Variants in MOV10 observed in about 807,000 individuals in gnomAD.
The protein encoded by MOV10 is RNA helicase MOV-10.
Under a neutral mutation model 108.4 loss-of-function variants are expected in MOV10, and 39 were observed. The ratio of observed to expected loss-of-function variants is 0.36; its 90% CI spans 0.28 to 0.47. The LOEUF (loss-of-function observed/expected upper bound fraction) is 0.47, where lower values mean the gene tolerates loss of function less well. Ranked by LOEUF, MOV10 falls within the 20% of genes least tolerant of loss-of-function variation. The pLI is 1.00. For missense variants in MOV10, 952 were observed against 1,297.6 expected (o/e 0.73, Z 4.09); for synonymous variants, 490 against 523.1 (o/e 0.94, Z 0.86).
At chr1:112,697,898 G>C in intron 14 of MOV10, 96 bp from the exon 15 acceptor site, 2 of 969,264 alleles carry the variant, frequency 2.1e-6, no homozygotes, top group East Asian at 2.4e-5. Flanking sequence ...GGGGTAGCAG[G>C]CTATTGTGTG....
intron 2 of MOV10, chr1:112,687,187 A>G: frequency 2.9e-6 from 1 of 343,098 alleles, no homozygotes; most frequent in Non-Finnish European, 5.8e-6. Flanking sequence ...AATAGTAGCT[A>G]ACATTTACTG....
Position 112,691,364 on chromosome 1 carries a change from T to A in MOV10, c.837-301T>A, listed in dbSNP as rs371226143. ...TTGACTATATATGTATAACAGAAAC[T>A]TACAGGGAAAAAAGTCTGGTAGTTA... On this transcript the variant is annotated intron_variant, in intron 5 of 20. Transcript: ENST00000369645. 2.8e-4 allele frequency among the ~76,000 whole-genome samples: 43 copies of A among 152,304 alleles called. No homozygotes were observed. In the South Asian group the frequency reaches 3.7e-3, roughly 13 times the overall value.
At position 112,688,989 on chromosome 1, in the gene MOV10, A is replaced by C; in HGVS notation, c.192A>C (p.Ala64=). Residue 64 remains alanine (A), a synonymous_variant, in exon 3 of 21, where the codon GCA becomes GCC. Transcript: ENST00000369645. Reference sequence around the variant, plus strand: ...CCATGCTGTATGGAATGAAGATTGCAAATCTGGCCTACGTCACCAAGACTC... The same window carrying C: ...CCATGCTGTATGGAATGAAGATTGCCAATCTGGCCTACGTCACCAAGACTC... ...FSSMLYGMKI[A]NLAYVTKTRV... 1 of 1,612,574 alleles carries C rather than the reference A, an allele frequency of 6.2e-7. No homozygotes were observed. Among genetic ancestry groups the C allele is most frequent in the Non-Finnish European group, 8.5e-7 (1 of 1,180,036 alleles).
intron 2 of MOV10, among the ~76,000 whole-genome samples, chr1:112,682,500 A>G (rs1438122850): frequency 2.0e-5 from 3 of 152,240 alleles, no homozygotes; most frequent in Non-Finnish European, 4.4e-5. Flanking sequence ...AAAATTTGCA[A>G]ACAGCAAAAT....
In MOV10 at chr1:112,700,645, C is replaced by CT. The variant is rs1557776028; in HGVS notation, c.*139dup. On this transcript the variant is annotated 3_prime_UTR_variant, in exon 21 of 21. Coordinates refer to ENST00000369645, the MANE Select transcript of MOV10 (RefSeq NM_001321324.2). Reference sequence around the variant, plus strand: ...TTTACAACCCAAGCCATTCCACCCCCTCCCCTGCTGGGGAGAATGACACAT... The same window carrying CT: ...TTTACAACCCAAGCCATTCCACCCCCTTCCCCTGCTGGGGAGAATGACACAT... 1 of 1,541,512 alleles carries CT rather than the reference C, an allele frequency of 6.5e-7. No individual in the cohort carries two copies. The highest frequency in any genetic ancestry group is 1.4e-5 in the African/African-American group (1 of 72,694).
chr1:112,696,015 C>T, intron 11 of MOV10, 133 bp from the exon 12 acceptor site: 1 of 698,406 alleles, frequency 1.4e-6, no homozygotes, highest in South Asian at 1.8e-5. Context: ...GCACTCCAGC[C>T]TGGGGGACAG....
At chr1:112,689,243 C>T in intron 3 of MOV10, 105 bp downstream of exon 3, 3 of 1,320,944 alleles carry the variant, frequency 2.3e-6, no homozygotes, top group Non-Finnish European at 3.2e-6. Flanking sequence ...GGAATAAGTC[C>T]CCCTCCTTCA....
Position 112,700,595 on chromosome 1 carries a change from G to A in MOV10, c.*88G>A. ...GAACCCAGCTGAACTGCCCCTCCAA[G>A]GGACAGGAAGGCTGGGGGAGGGAGT... On this transcript the variant is annotated 3_prime_UTR_variant, in exon 21 of 21. Transcript: ENST00000369645. 3 of 1,566,670 alleles carry A rather than the reference G, an allele frequency of 1.9e-6. No homozygotes were observed. Among genetic ancestry groups the A allele is most frequent in the Non-Finnish European group, 2.6e-6 (3 of 1,156,146 alleles).
At chr1:112,685,558 G>A (rs1190507471) in intron 2 of MOV10, among the ~76,000 whole-genome samples, 3 of 151,760 alleles carry the variant, frequency 2.0e-5, no homozygotes, top group African/African-American at 7.3e-5. Flanking sequence ...AGGAGGCTGA[G>A]GCAGGAGACT....
Position 112,690,000 on chromosome 1 carries a change from G to T in MOV10, c.738G>T (p.Leu246=). The change falls in exon 5 of 21, where the codon CTG becomes CTT. Residue 246 remains leucine, a synonymous_variant. Transcript: ENST00000369645. ...TGGCTGCCGTCGCCCACAGCCCCCT[G>T]GCTGCACAGCTGAAGCCCATGACTC... is the stretch of plus-strand genomic sequence containing the variant. The part of the protein sequence containing the change: ...RFLAAVAHSP[L]AAQLKPMTPF... The T allele has an allele frequency of 6.2e-7, 1 of 1,614,146 alleles. No individual in the cohort carries two copies. The highest frequency in any genetic ancestry group is 8.5e-7 in the Non-Finnish European group (1 of 1,180,040).
At chr1:112,699,545 G>C (rs1158198829) in intron 17 of MOV10, 140 bp from the exon 18 acceptor site, 1 of 1,497,906 alleles carries the variant, frequency 6.7e-7, no homozygotes, top group Non-Finnish European at 8.9e-7. Flanking sequence ...TCCCTGGGCC[G>C]TGTCGCAGCA....
intron 2 of MOV10, among the ~76,000 whole-genome samples, chr1:112,684,262 A>ATTTTTTTT (rs71084487): frequency 2.1e-5 from 2 of 93,838 alleles, no homozygotes; most frequent in African/African-American, 4.3e-5. Context: ...AGTCCCTGGG[A>ATTTTTTTT]TTTTTTTTTT....
intron 14 of MOV10, among the ~76,000 whole-genome samples, chr1:112,697,678 G>A (rs528911369): frequency 4.6e-5 from 7 of 152,274 alleles, no homozygotes; most frequent in South Asian, 2.1e-4. Context: ...ATCAAATAAC[G>A]TGATAGTCAA....
At position 112,698,051 on chromosome 1, in the gene MOV10, G is replaced by A. The variant is rs771889102; in HGVS notation, c.2256G>A (p.Gln752=). Residue 752 remains glutamine, a synonymous_variant, in exon 15 of 21, where the codon CAG becomes CAA. Coordinates refer to ENST00000369645, the MANE Select transcript of MOV10 (RefSeq NM_001321324.2). The part of the protein sequence containing the change: ...PNQLYYEGEL[Q]ACADVVDRER... ...AGCTCTATTATGAAGGGGAGCTGCA[G>A]GCCTGTGCTGATGTCGTGGATCGAG... 3 of 1,614,120 alleles carry A rather than the reference G, an allele frequency of 1.9e-6. No homozygotes were observed. Among genetic ancestry groups the A allele is most frequent in the Non-Finnish European group, 2.5e-6 (3 of 1,180,044 alleles).
chr1:112,680,449 G>A (rs1160419207), intron 2 of MOV10, among the ~76,000 whole-genome samples: 1 of 151,842 alleles, frequency 6.6e-6, no homozygotes, highest in South Asian at 2.1e-4. Flanking sequence ...GAGGTCAGGA[G>A]ATCGAGACCA....
rs774388697 is a variant in MOV10 at position 112,699,959 on chromosome 1, G to A, written c.2775G>A (p.Leu925=). The A allele has an allele frequency of 2.5e-6, 4 of 1,614,062 alleles. No individual in the cohort carries two copies. The African/African-American group carries it at 4.0e-5, about 16-fold the overall frequency. The change falls in exon 19 of 21, where the codon CTG becomes CTA. Residue 925 remains leucine (L), a synonymous_variant. Coordinates refer to ENST00000369645, the MANE Select transcript of MOV10 (RefSeq NM_001321324.2). ...TCATCGTGGGGAACCCCCTTCTCCT[G>A]GGCCATGACCCTGACTGGAAAGTGT... ...LLIIVGNPLL[L]GHDPDWKVFL...
chr1:112,696,242 C>A lies in MOV10; in HGVS notation c.1874C>A (p.Thr625Asn), dbSNP rs1409955805. 1.9e-6 allele frequency: 3 copies of A among 1,610,862 alleles called. No homozygotes were observed. Among genetic ancestry groups the A allele is most frequent in the Non-Finnish European group, 2.5e-6 (3 of 1,177,116 alleles). Residue 625 changes from threonine (T) to asparagine (N), a missense_variant, in exon 12 of 21, where the codon ACT becomes AAT. Physicochemically the swap from Thr to Asn is moderately conservative, Grantham distance 65. Coordinates refer to ENST00000369645, the MANE Select transcript of MOV10 (RefSeq NM_001321324.2). ...EYRVLITTLI[T>N]AGRLVSAQFP... Reference sequence around the variant, plus strand: ...CGGGTCTTAATTACCACCCTCATCACTGCCGGCAGGTGGGGAGTGTGTGTG... The same window carrying A: ...CGGGTCTTAATTACCACCCTCATCAATGCCGGCAGGTGGGGAGTGTGTGTG...
rs1674446867 is a variant in MOV10, at chr1:112,699,612, G to A, written c.2584-73G>A. ...TGACCTCTCTGTACCCTCCTTGGAA[G>A]GCAAGCTCCCTGGGGTAGGGCACCC... On this transcript the variant is annotated intron_variant, in intron 17 of 20. Coordinates refer to ENST00000369645, the MANE Select transcript of MOV10 (RefSeq NM_001321324.2). 6.2e-6 allele frequency: 10 copies of A among 1,600,354 alleles called. No individual in the cohort carries two copies. In the South Asian group the frequency reaches 1.0e-4, roughly 16 times the overall value.
chr1:112,690,116 C>G lies in MOV10; in HGVS notation c.836+18C>G. ...CCTGACCGGTAACTCCTCCCTCCAA[C>G]TCAGCCCTGGCTGGGCTCGTATCTC... is the stretch of plus-strand genomic sequence containing the variant. On this transcript the variant is annotated intron_variant, in intron 5 of 20. Coordinates refer to ENST00000369645, the MANE Select transcript of MOV10 (RefSeq NM_001321324.2). 6.2e-7 allele frequency: 1 copy of G among 1,610,312 alleles called. No homozygotes were observed. The highest frequency in any genetic ancestry group is 8.5e-7 in the Non-Finnish European group (1 of 1,177,612).
Sources: allele counts gnomAD v4.1 joint callset (sites outside exome capture counted in the v4.1 genomes callset), GRCh38; gene constraint gnomAD v4.1.1; transcripts MANE v1.5; gene names NCBI Gene and HGNC (gene_info 2026-07-23, HGNC 2026-07-21).